FAM228B: variants seen among roughly 807,000 people sequenced by gnomAD.
FAM228B encodes the protein family with sequence similarity 228 member B.
In FAM228B, 38 loss-of-function variants were observed where a neutral mutation model predicts 42.6. The ratio of observed to expected loss-of-function variants is 0.89; its 90% CI spans 0.69 to 1.17. The LOEUF is 1.17. Among genes scored for constraint, FAM228B ranks in the 50% most tolerant of loss-of-function variants. The probability of loss-of-function intolerance (pLI) is 0.00; values close to 1 mark genes in which losing one functional copy is unlikely to be tolerated. For missense variants in FAM228B, 344 were observed against 367.3 expected, an observed-to-expected ratio of 0.94 and a Z score of 0.52; for synonymous variants, 109 against 122.3, an observed-to-expected ratio of 0.89 and a Z score of 0.72.
At chr2:24,081,086 C>A (rs1664981605) in intron 2 of FAM228B, 6 of 1,512,636 alleles carry the variant, frequency 4.0e-6, no homozygotes, top group Admixed American at 1.8e-5. Context: ...ACATTCCCCA[C>A]ACAGGCATAT....
chr2:24,156,960 C>G (rs1375021372), intron 7 of FAM228B, among the ~76,000 whole-genome samples: 2 of 152,090 alleles, frequency 1.3e-5, no homozygotes, highest in Admixed American at 6.5e-5. Flanking sequence ...CTCTTTCAGT[C>G]TTTGTGATGT....
intron 5 of FAM228B, among the ~76,000 whole-genome samples, chr2:24,141,979 A>G (rs1411719569): frequency 1.3e-5 from 2 of 151,798 alleles, no homozygotes; most frequent in African/African-American, 2.4e-5. Flanking sequence ...CCATTTGTAG[A>G]CCCAGCATTG....
rs545233397 is a variant in FAM228B, at chr2:24,167,251, C to T, written c.933-376C>T. 8.5e-5 allele frequency among the ~76,000 whole-genome samples: 13 copies of T among 152,142 alleles called. No homozygotes were observed. In the South Asian group the frequency reaches 2.3e-3, roughly 27 times the overall value. ...GGAGCTGGCAGAGCTCCCTTGTTAG[C>T]GTGGAAGTGGGTGAAAGCGAGAAAT... is the stretch of plus-strand genomic sequence containing the variant. On this transcript the variant is annotated intron_variant, in intron 9 of 10. Coordinates refer to ENST00000615575, the MANE Select transcript of FAM228B (RefSeq NM_001145710.2).
chr2:24,079,319 G>A, intron 1 of FAM228B: 2 of 1,002,018 alleles, frequency 2.0e-6, no homozygotes, highest in Middle Eastern at 2.7e-4. Flanking sequence ...TATCTTCAGA[G>A]GGGGAGGTTT....
chr2:24,123,761 G>A (rs1319841186), intron 1 of FAM228B, among the ~76,000 whole-genome samples: 2 of 151,786 alleles, frequency 1.3e-5, no homozygotes, highest in East Asian at 1.9e-4. Context: ...GCCCGGGGCT[G>A]GCGTGGAGGC....
chr2:24,141,987 T>C (rs1349381172), intron 5 of FAM228B, among the ~76,000 whole-genome samples: 1 of 152,162 alleles, frequency 6.6e-6, no homozygotes, highest in East Asian at 1.9e-4. Flanking sequence ...AGACCCAGCA[T>C]TGGTAATCCA....
intron 3 of FAM228B, among the ~76,000 whole-genome samples, chr2:24,137,518 G>T (rs1354531977): frequency 3.9e-5 from 6 of 152,044 alleles, no homozygotes; most frequent in Non-Finnish European, 8.8e-5. Context: ...TTAGGGATGG[G>T]TTTTCACTCT....
intron 2 of FAM228B, among the ~76,000 whole-genome samples, chr2:24,090,055 C>T (rs1418182017): frequency 6.6e-6 from 1 of 151,000 alleles, no homozygotes; most frequent in African/African-American, 2.4e-5. Context: ...GGGCGGATCA[C>T]GAGGTCAGGA....
chr2:24,111,850 C>T (rs978814913), intron 3 of FAM228B, among the ~76,000 whole-genome samples: 10 of 150,014 alleles, frequency 6.7e-5, no homozygotes, highest in African/African-American at 2.4e-4. Flanking sequence ...TTACATACAA[C>T]TCCCATCTGC....
intron 3 of FAM228B, among the ~76,000 whole-genome samples, chr2:24,111,348 C>T (rs954211305): frequency 2.6e-5 from 4 of 152,182 alleles, no homozygotes; most frequent in Non-Finnish European, 5.9e-5. Flanking sequence ...CATGAGCCAC[C>T]GCACCTGGCC....
intron 7 of FAM228B, among the ~76,000 whole-genome samples, chr2:24,155,504 CATAT>C (rs1156603467): frequency 1.7e-3 from 61 of 35,878 alleles, no homozygotes; most frequent in African/African-American, 4.5e-3. Flanking sequence ...GAAGACCATG[CATAT>C]ATATATATAT....
At chr2:24,131,470 T>C (rs1255291504) in intron 2 of FAM228B, among the ~76,000 whole-genome samples, 1 of 152,196 alleles carries the variant, frequency 6.6e-6, no homozygotes, top group Non-Finnish European at 1.5e-5. Flanking sequence ...GCATGGAATG[T>C]TTTTCCGTTT....
upstream of FAM228B, chr2:24,119,435 G>A (rs969043501): frequency 8.3e-6 from 5 of 605,180 alleles, no homozygotes; most frequent in African/African-American, 9.3e-5. Context: ...TGTCCTTCCA[G>A]TGGCTATGTA....
Position 24,160,311 on chromosome 2 carries a change from A to T in FAM228B, c.687-1195A>T, listed in dbSNP as rs554786903. Among the ~76,000 whole-genome samples, 10 of 151,856 alleles carry T rather than the reference A, an allele frequency of 6.6e-5. No individual in the cohort carries two copies. In the East Asian group the frequency reaches 1.7e-3, roughly 26 times the overall value. On this transcript the variant is annotated intron_variant, in intron 7 of 10. Coordinates refer to ENST00000615575, the MANE Select transcript of FAM228B (RefSeq NM_001145710.2). ...AGCTGGATTTCTTTTTATTTAACCT[A>T]CTGGTATATGTTGTGCTTCCTGGAT...
intron 3 of FAM228B, among the ~76,000 whole-genome samples, chr2:24,113,436 G>C (rs530636661): frequency 5.5e-4 from 83 of 152,166 alleles, no homozygotes; most frequent in Non-Finnish European, 1.1e-3. Flanking sequence ...AGCTGCACGT[G>C]GCATGTGCCT....
chr2:24,118,715 T>C (rs1362593285), upstream of FAM228B, among the ~76,000 whole-genome samples: 1 of 152,176 alleles, frequency 6.6e-6, no homozygotes, highest in Non-Finnish European at 1.5e-5. Flanking sequence ...TTTAGGCAGA[T>C]AGAACAGCAT....
intron 3 of FAM228B, among the ~76,000 whole-genome samples, chr2:24,099,202 T>C (rs1391113681): frequency 6.6e-6 from 1 of 152,170 alleles, no homozygotes; most frequent in Non-Finnish European, 1.5e-5. Flanking sequence ...ACTGGAAGCA[T>C]TCCCTTTGAA....
At chr2:24,111,870 C>A (rs1056919594) in intron 3 of FAM228B, among the ~76,000 whole-genome samples, 14 of 149,966 alleles carry the variant, frequency 9.3e-5, no homozygotes, top group Admixed American at 2.0e-4. Context: ...CCAAAAAAAA[C>A]CCCTCAACTG....
intron 3 of FAM228B, among the ~76,000 whole-genome samples, chr2:24,103,252 C>T (rs554155495): frequency 6.6e-6 from 1 of 152,314 alleles, no homozygotes; most frequent in African/African-American, 2.4e-5. Context: ...TGAAGGGAGG[C>T]TGGGGAGGGA....
Sources: allele counts gnomAD v4.1 joint callset (sites outside exome capture counted in the v4.1 genomes callset), GRCh38; gene constraint gnomAD v4.1.1; transcripts MANE v1.5; gene names NCBI Gene and HGNC (gene_info 2026-07-23, HGNC 2026-07-21).